Variants in ODF2 observed in about 807,000 individuals in gnomAD.
The protein encoded by ODF2 is outer dense fiber of sperm tails 2, also known as outer dense fiber protein 2.
Under a neutral mutation model 110.2 loss-of-function variants are expected in ODF2, and 47 were observed. The observed-to-expected ratio is 0.43, with a 90% confidence interval of 0.34 to 0.54. The LOEUF (loss-of-function observed/expected upper bound fraction) is 0.54, where lower values mean the gene tolerates loss of function less well. ODF2 is among the 20% of genes least tolerant of loss of function. ODF2 has a pLI of 0.03. For synonymous variants in ODF2, 352 were observed against 397.7 expected (o/e 0.89, Z 1.37); for missense variants, 812 against 1,054.5 (o/e 0.77, Z 3.19).
At chr9:128,491,925 G>C (rs1465302177) in intron 14 of ODF2, among the ~76,000 whole-genome samples, 1 of 149,348 alleles carries the variant, frequency 6.7e-6, no homozygotes, top group East Asian at 2.0e-4. Flanking sequence ...GGAGTGCAGG[G>C]GCACGATCTC....
intron 1 of ODF2, chr9:128,456,623 C>T (rs1359934634): frequency 1.3e-6 from 2 of 1,507,120 alleles, no homozygotes; most frequent in South Asian, 1.2e-5. Context: ...CTCCCTCGCT[C>T]TGCTGCCCGT....
intron 14 of ODF2, among the ~76,000 whole-genome samples, chr9:128,488,369 G>A (rs1843831687): frequency 6.6e-6 from 1 of 152,146 alleles, no homozygotes; most frequent in Non-Finnish European, 1.5e-5. Flanking sequence ...AGGCTGTGGT[G>A]AGCCGAGATC....
upstream of ODF2, chr9:128,455,208 G>A (rs1017979944): frequency 4.6e-6 from 7 of 1,535,356 alleles, no homozygotes; most frequent in Admixed American, 3.9e-5. Context: ...TGGCGGACCA[G>A]CAAGGACCTC....
intron 4 of ODF2, among the ~76,000 whole-genome samples, chr9:128,467,426 T>C (rs749634130): frequency 6.6e-6 from 1 of 152,066 alleles, no homozygotes; most frequent in Non-Finnish European, 1.5e-5. Flanking sequence ...TTTTAAGTAT[T>C]AAAAGTAACT....
At position 128,457,082 on chromosome 9, in the gene ODF2, C is replaced by T. The variant is rs1835065232; in HGVS notation, c.-208-116C>T. The T allele has an allele frequency of 3.7e-6, 5 of 1,348,150 alleles. No homozygotes were observed. In the South Asian group the frequency reaches 5.4e-5, roughly 14 times the overall value. 83.5% of individuals were successfully genotyped at this position (1,348,150 alleles called of 1,614,324 possible). A position where few individuals can be genotyped will look rare whatever the true frequency, so the allele number is the denominator to read the frequency against. Reference sequence around the variant, plus strand: ...TCCCCCGGTAGCCACCGGCAGTCCTCCGCGTGGGACCCGGGCGCGGTGGTC... The same window carrying T: ...TCCCCCGGTAGCCACCGGCAGTCCTTCGCGTGGGACCCGGGCGCGGTGGTC... On this transcript the variant is annotated intron_variant, in intron 1 of 20. Coordinates refer to ENST00000604420, the Ensembl canonical transcript of ODF2.
chr9:128,462,398 C>T (rs1836717724), intron 4 of ODF2, among the ~76,000 whole-genome samples: 1 of 152,190 alleles, frequency 6.6e-6, no homozygotes, highest in African/African-American at 2.4e-5. Context: ...ATCAGCCCAC[C>T]TCAGCCTCCC....
intron 14 of ODF2, among the ~76,000 whole-genome samples, chr9:128,488,640 G>C (rs1843897294): frequency 6.6e-6 from 1 of 152,314 alleles, no homozygotes; most frequent in East Asian, 1.9e-4. Context: ...CTGGGGGCCT[G>C]CTGGGCCCCT....
At chr9:128,473,813 TA>T in intron 8 of ODF2, 72 bp downstream of exon 8, 1 of 1,450,042 alleles carries the variant, frequency 6.9e-7, no homozygotes, top group Non-Finnish European at 9.5e-7. Flanking sequence ...TCCTTGTCTG[TA>T]AAAAGAAAAT....
exon 21 of ODF2, chr9:128,500,068 C>T (rs768772014): frequency 5.0e-6 from 8 of 1,614,140 alleles, no homozygotes; most frequent in South Asian, 2.2e-5. Context: ...CCTCGTTAGG[C>T]GGACCGCCGC....
At chr9:128,467,537 G>C (rs1487797807) in intron 4 of ODF2, among the ~76,000 whole-genome samples, 2 of 151,866 alleles carry the variant, frequency 1.3e-5, no homozygotes, top group African/African-American at 2.4e-5. Flanking sequence ...CTGAGGTCAG[G>C]AGTTCGAGAC....
chr9:128,480,844 T>G (rs1243062993), intron 8 of ODF2, among the ~76,000 whole-genome samples: 1 of 129,022 alleles, frequency 7.8e-6, no homozygotes, highest in Non-Finnish European at 1.8e-5. Flanking sequence ...TTAAAAAAAA[T>G]TAACACATAA....
rs1006448728 is a variant in ODF2 at position 128,485,747 on chromosome 9, T to C, written c.1400+273T>C. Among the ~76,000 whole-genome samples, 1 of 152,156 alleles carries C rather than the reference T, an allele frequency of 6.6e-6. No homozygotes were observed. The highest frequency in any genetic ancestry group is 2.4e-5 in the African/African-American group (1 of 41,410). ...GGTCAGAGGTGTGGGTCTGACTTCA[T>C]CACCTGGGCCTGATCCTGTCCTCAG... On this transcript the variant is annotated intron_variant, in intron 13 of 20. Transcript: ENST00000604420. This position sits in a 1 kb window ranked among gnomAD's most constrained non-coding sequence, Gnocchi z 5.0.
At chr9:128,470,780 C>T (rs570270004) in intron 5 of ODF2, among the ~76,000 whole-genome samples, 1 of 152,154 alleles carries the variant, frequency 6.6e-6, no homozygotes, top group Admixed American at 6.6e-5. Flanking sequence ...ACTGAGTTTC[C>T]TCATCTACAA....
At chr9:128,459,501 T>C in intron 2 of ODF2, 66 bp from the exon 2 acceptor site, 1 of 1,249,858 alleles carries the variant, frequency 8.0e-7, no homozygotes, top group South Asian at 1.3e-5. Flanking sequence ...TGTAATTTCA[T>C]GAGATCTGAA....
exon 18 of ODF2, chr9:128,496,050 C>G: frequency 6.2e-7 from 1 of 1,613,664 alleles, no homozygotes; most frequent in African/African-American, 1.3e-5. Context: ...GATCGAACAC[C>G]AGGGGGACAA....
At chr9:128,481,739 G>A in intron 9 of ODF2, 88 bp downstream of exon 9, 2 of 1,054,084 alleles carry the variant, frequency 1.9e-6, no homozygotes, top group Non-Finnish European at 2.9e-6. Context: ...TTGGATCAAG[G>A]CAGGAGGGCT....
chr9:128,478,106 C>T (rs185111014), intron 8 of ODF2, among the ~76,000 whole-genome samples: 1 of 152,260 alleles, frequency 6.6e-6, no homozygotes, highest in African/African-American at 2.4e-5. Context: ...AAGCGATTCT[C>T]CTGCCTCAAC....
At position 128,485,608 on chromosome 9, in the gene ODF2, G is replaced by C; in HGVS notation, c.1400+134G>C. The C allele has an allele frequency of 1.6e-6, 1 of 606,860 alleles. No homozygotes were observed. Among genetic ancestry groups the C allele is most frequent in the South Asian group, 1.9e-5 (1 of 51,736 alleles). The allele number at this position is 606,860 out of a possible 1,614,324, so 37.6% of individuals were successfully genotyped here. The stretch of plus-strand genomic sequence containing the variant: ...TCCGGGTTGGGGGCTGCACTGGGCT[G>C]TGATGTGGGTAGCCCTGAGCTGGGC... On this transcript the variant is annotated intron_variant, in intron 13 of 20. Coordinates refer to ENST00000604420, the Ensembl canonical transcript of ODF2. This position sits in a 1 kb window ranked among gnomAD's most constrained non-coding sequence, Gnocchi z 5.0.
Position 128,487,086 on chromosome 9 carries a change from T to G in ODF2, c.1401-804T>G, listed in dbSNP as rs375727906. On this transcript the variant is annotated intron_variant, in intron 13 of 20. Transcript: ENST00000604420. The stretch of plus-strand genomic sequence containing the variant: ...CACATCCCTCTCTCTCTCTCTCTCT[T>G]TTTTTTCTTAATGGAGACAAGGTCT... Among the ~76,000 whole-genome samples the G allele has an allele frequency of 1.4e-3, 208 of 151,956 alleles. 1 individual carries two copies. Among genetic ancestry groups the G allele is most frequent in the African/African-American group, 4.7e-3 (193 of 41,394 alleles).
Sources: allele counts gnomAD v4.1 joint callset (sites outside exome capture counted in the v4.1 genomes callset), GRCh38; gene constraint gnomAD v4.1.1; non-coding constraint Gnocchi (gnomAD v3.1); transcripts MANE v1.5; gene names NCBI Gene and HGNC (gene_info 2026-07-23, HGNC 2026-07-21).